Variants in CHL1 observed in about 807,000 individuals in gnomAD.
CHL1 encodes the protein neural cell adhesion molecule L1-like protein.
In CHL1, 96 loss-of-function variants were observed where a neutral mutation model predicts 141.9. The observed-to-expected ratio is 0.68, with a 90% CI of 0.57 to 0.80. CHL1 has a LOEUF of 0.80. CHL1 is among the 30% of genes least tolerant of loss of function. The pLI, the probability that CHL1 is intolerant of heterozygous loss-of-function variation, is 0.00. For missense variants in CHL1, 1,820 were observed against 1,457.2 expected (o/e 1.25, Z -4.05); for synonymous variants, 613 against 502.2 (o/e 1.22, Z -2.95).
chr3:281,970 C>A (rs1696702068), intron 2 of CHL1, among the ~76,000 whole-genome samples: 1 of 152,182 alleles, frequency 6.6e-6, no homozygotes, highest in South Asian at 2.1e-4. Flanking sequence ...TTCTGCTAAT[C>A]CTTACTTTTT....
At position 394,879 on chromosome 3, in the gene CHL1, A is replaced by G. The variant is rs1708542574; in HGVS notation, c.3094+7A>G. On this transcript the variant is annotated splice_region_variant and intron_variant, in intron 24 of 27. Coordinates refer to ENST00000256509, the MANE Select transcript of CHL1 (RefSeq NM_006614.4). ...TCCACCTTAGGAGAAGGGAGTAAGTACATGAGGCTTCTCTTTTTAATAGAG... is the reference window on the plus strand; with the variant it reads ...TCCACCTTAGGAGAAGGGAGTAAGTGCATGAGGCTTCTCTTTTTAATAGAG... The G allele has an allele frequency of 6.3e-7, 1 of 1,586,920 alleles. No individual in the cohort carries two copies. The highest frequency in any genetic ancestry group is 8.5e-7 in the Non-Finnish European group (1 of 1,171,048).
intron 2 of CHL1, among the ~76,000 whole-genome samples, chr3:268,050 C>T (rs975084668): frequency 1.8e-4 from 28 of 152,220 alleles, no homozygotes; most frequent in African/African-American, 6.0e-4. Flanking sequence ...TTGTCATTAT[C>T]GCATTCTCTG....
chr3:312,944 C>T (rs759942343), intron 2 of CHL1, among the ~76,000 whole-genome samples: 1 of 152,152 alleles, frequency 6.6e-6, no homozygotes, highest in Non-Finnish European at 1.5e-5. Context: ...TTCAAGCATC[C>T]TGAGTAGAAA....
rs956776102 is a variant in CHL1, at chr3:378,005, C to T, written c.1876+63C>T. 8 of 1,426,890 alleles carry T rather than the reference C, an allele frequency of 5.6e-6. No homozygotes were observed. In the African/African-American group the frequency reaches 1.2e-4, roughly 21 times the overall value. The allele number at this position is 1,426,890 out of a possible 1,614,324, so 88.4% of individuals were successfully genotyped here. Reference sequence around the variant, plus strand: ...TCATTTCTGATTAAATCCCATCGTTCCTGGCCAATAAAGCTAATGATTCTT... The same window carrying T: ...TCATTTCTGATTAAATCCCATCGTTTCTGGCCAATAAAGCTAATGATTCTT... On this transcript the variant is annotated intron_variant, in intron 16 of 27. Transcript: ENST00000256509.
At chr3:321,161 T>A (rs1012909623) in intron 3 of CHL1, among the ~76,000 whole-genome samples, 2 of 152,100 alleles carry the variant, frequency 1.3e-5, no homozygotes, top group African/African-American at 4.8e-5. Context: ...TTGATGTACC[T>A]ATTTTATATT....
intron 24 of CHL1, among the ~76,000 whole-genome samples, chr3:396,691 T>C (rs1231407532): frequency 6.6e-6 from 1 of 152,172 alleles, no homozygotes; most frequent in Admixed American, 6.5e-5. Flanking sequence ...TGTTTCTTAC[T>C]GGTGTGTTTG....
At chr3:204,803 A>T (rs201112235) in intron 1 of CHL1, among the ~76,000 whole-genome samples, 4 of 1,256 alleles carry the variant, frequency 3.2e-3, no homozygotes, top group Admixed American at 0.083. Flanking sequence ...TTTCTATTTT[A>T]AAAAAAAATC....
At chr3:340,120 T>A (rs561566619) in intron 5 of CHL1, among the ~76,000 whole-genome samples, 24 of 152,332 alleles carry the variant, frequency 1.6e-4, no homozygotes, top group Admixed American at 1.1e-3. Flanking sequence ...ATAACTGCAT[T>A]GCTCTTTTAA....
chr3:283,767 C>T (rs550422921), intron 2 of CHL1, among the ~76,000 whole-genome samples: 5 of 152,138 alleles, frequency 3.3e-5, no homozygotes, highest in Non-Finnish European at 7.3e-5. Context: ...CAGTATTATT[C>T]TCCCAATTGT....
chr3:357,907 G>T (rs1703859929), intron 11 of CHL1, among the ~76,000 whole-genome samples: 1 of 152,206 alleles, frequency 6.6e-6, no homozygotes, highest in Non-Finnish European at 1.5e-5. Context: ...TTAGGACCCT[G>T]AGTGGGGTGT....
intron 15 of CHL1, among the ~76,000 whole-genome samples, chr3:372,545 G>A (rs1036453613): frequency 6.6e-6 from 1 of 152,054 alleles, no homozygotes; most frequent in Non-Finnish European, 1.5e-5. Context: ...CTTGCATTGG[G>A]TTAGAACATT....
intron 20 of CHL1, among the ~76,000 whole-genome samples, chr3:390,278 G>A (rs1371859395): frequency 6.6e-6 from 1 of 152,180 alleles, no homozygotes; most frequent in East Asian, 1.9e-4. Flanking sequence ...CCTCTTCACA[G>A]GGTTGTATGA....
At chr3:355,763 G>A (rs1703658376) in intron 11 of CHL1, among the ~76,000 whole-genome samples, 1 of 151,952 alleles carries the variant, frequency 6.6e-6, no homozygotes, top group Non-Finnish European at 1.5e-5. Context: ...GGTTGGTTGT[G>A]CTTGAATGAA....
At chr3:365,909 T>G in intron 14 of CHL1, 41 bp from the exon 15 acceptor site, 1 of 1,542,050 alleles carries the variant, frequency 6.5e-7, no homozygotes, top group South Asian at 1.1e-5. Context: ...CAAAGTAAGT[T>G]ACGCTTAGTT....
intron 14 of CHL1, 40 bp from the exon 15 acceptor site, chr3:365,910 A>C (rs1704818702): frequency 1.3e-6 from 2 of 1,543,872 alleles, no homozygotes; most frequent in African/African-American, 1.4e-5. Flanking sequence ...AAAGTAAGTT[A>C]CGCTTAGTTC....
In CHL1 at chr3:225,732, A is replaced by G. The variant is rs183528112; in HGVS notation, c.-174-18881A>G. ...GAACAGTTAAGAATAGGTTATGGCC[A>G]AGCGTGGTGGCTCACGCCTGTAATC... is the stretch of plus-strand genomic sequence containing the variant. On this transcript the variant is annotated intron_variant, in intron 1 of 27. Transcript: ENST00000256509. 8.4e-3 allele frequency among the ~76,000 whole-genome samples: 1,273 copies of G among 152,218 alleles called. 15 individuals are homozygous for G. The highest frequency in any genetic ancestry group is 0.027 in the African/African-American group (1,108 of 41,560).
intron 1 of CHL1, among the ~76,000 whole-genome samples, chr3:212,013 A>C (rs548973053): frequency 2.0e-5 from 3 of 152,316 alleles, no homozygotes; most frequent in African/African-American, 7.2e-5. Context: ...CCACCGATAA[A>C]AAGTTACTTA....
At chr3:386,804 A>T (rs960990702) in intron 19 of CHL1, among the ~76,000 whole-genome samples, 7 of 152,208 alleles carry the variant, frequency 4.6e-5, no homozygotes, top group Non-Finnish European at 7.3e-5. Context: ...AATGAAAATA[A>T]GTGGAATTAA....
rs927282992 is a variant in CHL1, at chr3:406,088, A to G, written c.*377A>G. The G allele has an allele frequency of 1.6e-5, 3 of 183,000 alleles. No individual in the cohort carries two copies. Among genetic ancestry groups the G allele is most frequent in the African/African-American group, 2.4e-5 (1 of 42,004 alleles). The allele number at this position is 183,000 out of a possible 1,614,324, so 11.3% of individuals were successfully genotyped here. ...GGTTTTTCTCCGTATGCACATTGGT[A>G]TACAGTCTCTGAGAACTGGCTTGGT... On this transcript the variant is annotated 3_prime_UTR_variant, in exon 28 of 28. Coordinates refer to ENST00000256509, the MANE Select transcript of CHL1 (RefSeq NM_006614.4).
Sources: gnomAD v4.1 joint callset for allele counts (sites outside exome capture counted in the v4.1 genomes callset) on GRCh38, gnomAD v4.1.1 for gene constraint, MANE v1.5 for transcripts, NCBI Gene and HGNC (gene_info 2026-07-23, HGNC 2026-07-21) for gene names.